TNFRSF10B: variants seen among roughly 807,000 people sequenced by gnomAD.
TNFRSF10B encodes the protein TNF receptor superfamily member 10b.
Under a neutral mutation model 41.4 loss-of-function variants are expected in TNFRSF10B, and 35 were observed. That is an observed-to-expected ratio of 0.85 (90% CI 0.65 to 1.12). The LOEUF (loss-of-function observed/expected upper bound fraction) is 1.12. Ranked by LOEUF, TNFRSF10B falls within the 50% of genes most tolerant of loss-of-function variation. TNFRSF10B has a pLI of 0.00. For synonymous variants in TNFRSF10B, 230 were observed against 215.5 expected, an observed-to-expected ratio of 1.07 and a Z score of -0.59; for missense variants, 584 against 552.7, an observed-to-expected ratio of 1.06 and a Z score of -0.57.
Position 23,020,182 on chromosome 8 carries a change from T to G in TNFRSF10B, c.*2489A>C. 2.3e-6 allele frequency: 1 copy of G among 429,580 alleles called. No individual in the cohort carries two copies. Among genetic ancestry groups the G allele is most frequent in the Non-Finnish European group, 4.7e-6 (1 of 212,140 alleles). 26.6% of individuals were successfully genotyped at this position (429,580 alleles called of 1,614,324 possible). ...ATTTGGTCATGGATTCATAAATACA[T>G]AAGTATTTTGTACACAATGTGCTTC... On this transcript the variant is annotated 3_prime_UTR_variant, in exon 9 of 9. Transcript: ENST00000276431.
At chr8:23,043,108 G>T (rs759881105) in intron 2 of TNFRSF10B, 30 bp downstream of exon 2, 2 of 1,593,330 alleles carry the variant, frequency 1.3e-6, no homozygotes, top group East Asian at 4.5e-5. Context: ...GGGAGGAGGG[G>T]CAAGGATTAG....
At chr8:23,031,983 T>C (rs1026187766) in intron 2 of TNFRSF10B, among the ~76,000 whole-genome samples, 5 of 150,714 alleles carry the variant, frequency 3.3e-5, no homozygotes, top group African/African-American at 1.2e-4. Flanking sequence ...CTCGGCTCAC[T>C]GCAACCTCTG....
rs767396167 is a variant in TNFRSF10B at position 23,021,746 on chromosome 8, G to C, written c.*925C>G. ...ACTTGTAAGGTTGTCCAGTTCAAAA[G>C]ACTGGCCCCTGTAGAAGTTGCCAAT... On this transcript the variant is annotated 3_prime_UTR_variant, in exon 9 of 9. Coordinates refer to ENST00000276431, the MANE Select transcript of TNFRSF10B (RefSeq NM_003842.5). 8.8e-6 allele frequency: 4 copies of C among 454,092 alleles called. No homozygotes were observed. Among genetic ancestry groups the C allele is most frequent in the South Asian group, 6.2e-5 (4 of 64,474 alleles). 28.1% of individuals were successfully genotyped at this position (454,092 alleles called of 1,614,324 possible).
chr8:23,052,148 C>T (rs1775135067), intron 1 of TNFRSF10B, among the ~76,000 whole-genome samples: 1 of 151,866 alleles, frequency 6.6e-6, no homozygotes, highest in Non-Finnish European at 1.5e-5. Context: ...GGGATACATA[C>T]TCATAAGTAA....
intron 1 of TNFRSF10B, among the ~76,000 whole-genome samples, chr8:23,054,414 C>T (rs1812606126): frequency 6.6e-6 from 1 of 152,168 alleles, no homozygotes; most frequent in African/African-American, 2.4e-5. Flanking sequence ...AAATTTGGAG[C>T]ATATTTGTTT....
Position 23,020,219 on chromosome 8 carries a change from T to C in TNFRSF10B, c.*2452A>G. On this transcript the variant is annotated 3_prime_UTR_variant, in exon 9 of 9. Coordinates refer to ENST00000276431, the MANE Select transcript of TNFRSF10B (RefSeq NM_003842.5). The stretch of plus-strand genomic sequence containing the variant: ...ACACAATGTGCTTCCTTGTTTGTAT[T>C]ATAACACATTTCAAATAGGGACCTT... 1 of 452,930 alleles carries C rather than the reference T, an allele frequency of 2.2e-6. No homozygotes were observed. The highest frequency in any genetic ancestry group is 1.6e-5 in the South Asian group (1 of 64,410). The allele number at this position is 452,930 out of a possible 1,614,324, so 28.1% of individuals were successfully genotyped here.
intron 1 of TNFRSF10B, among the ~76,000 whole-genome samples, chr8:23,057,845 A>T (rs1812716992): frequency 6.6e-6 from 1 of 152,164 alleles, no homozygotes; most frequent in South Asian, 2.1e-4. Flanking sequence ...CTTAAAATCC[A>T]CCTCATATGA....
intron 1 of TNFRSF10B, among the ~76,000 whole-genome samples, chr8:23,054,746 G>A (rs1156321310): frequency 6.6e-6 from 1 of 152,182 alleles, no homozygotes; most frequent in Admixed American, 6.6e-5. Context: ...CTCAAGAAGA[G>A]AGGAATTCAC....
intron 1 of TNFRSF10B, among the ~76,000 whole-genome samples, chr8:23,061,809 C>T (rs4424253): frequency 0.19 from 29,299 of 152,130 alleles, 3,370 homozygotes; most frequent in East Asian, 0.48. Flanking sequence ...CTTTTTCCCC[C>T]TTCATTCTAT....
At chr8:23,048,552 AG>A (rs1439319807) in intron 1 of TNFRSF10B, among the ~76,000 whole-genome samples, 2 of 152,188 alleles carry the variant, frequency 1.3e-5, no homozygotes, top group African/African-American at 4.8e-5. Context: ...ACCATTGGTT[AG>A]ACAGGAGGAA....
Position 23,022,879 on chromosome 8 carries a change from T to G in TNFRSF10B, c.1115A>C (p.Lys372Thr). Residue 372 changes from lysine (K) to threonine (T), a missense_variant, in exon 9 of 9, where the codon AAA becomes ACA. Coordinates refer to ENST00000276431, the MANE Select transcript of TNFRSF10B (RefSeq NM_003842.5). ...GTCCCTGTGGCCCGCTGCCTCAGCTTTAGCCACCTTTATCTCATTGTCCAT... is the reference window on the plus strand; with the variant it reads ...GTCCCTGTGGCCCGCTGCCTCAGCTGTAGCCACCTTTATCTCATTGTCCAT... Reference protein sequence around the residue: ...GLMDNEIKVAKAEAAGHRDTL... With the variant: ...GLMDNEIKVATAEAAGHRDTL... 1 of 1,614,034 alleles carries G rather than the reference T, an allele frequency of 6.2e-7. No individual in the cohort carries two copies. The highest frequency in any genetic ancestry group is 1.6e-4 in the Middle Eastern group (1 of 6,062).
intron 1 of TNFRSF10B, among the ~76,000 whole-genome samples, chr8:23,063,346 CAAA>C (rs11321750): frequency 2.3e-5 from 3 of 128,844 alleles, no homozygotes; most frequent in African/African-American, 5.6e-5. Flanking sequence ...GAAACTGTCT[CAAA>C]AAAAAAAAAA....
At chr8:23,048,417 CAA>C (rs1812424518) in intron 1 of TNFRSF10B, among the ~76,000 whole-genome samples, 1 of 70,462 alleles carries the variant, frequency 1.4e-5, no homozygotes, top group Admixed American at 1.7e-4. Flanking sequence ...GCCTGGGCAA[CAA>C]AAGTGAAATT....
At chr8:23,056,489 A>G (rs1033272583) in intron 1 of TNFRSF10B, among the ~76,000 whole-genome samples, 6 of 152,060 alleles carry the variant, frequency 3.9e-5, no homozygotes, top group African/African-American at 9.7e-5. Flanking sequence ...TGTCTCTACT[A>G]AAAATACAAA....
chr8:23,043,319 G>A, intron 1 of TNFRSF10B, 76 bp from the exon 2 acceptor site: 1 of 1,182,798 alleles, frequency 8.5e-7, no homozygotes, highest in Non-Finnish European at 1.2e-6. Flanking sequence ...ACATTCTCTT[G>A]AGCCCAGGCA....
At chr8:23,059,195 G>A (rs1296350380) in intron 1 of TNFRSF10B, among the ~76,000 whole-genome samples, 1 of 152,158 alleles carries the variant, frequency 6.6e-6, no homozygotes, top group Non-Finnish European at 1.5e-5. Flanking sequence ...TTTCAAGGCT[G>A]AGTAATACTC....
chr8:23,031,226 C>T (rs781331789), intron 2 of TNFRSF10B, among the ~76,000 whole-genome samples: 2 of 152,018 alleles, frequency 1.3e-5, no homozygotes, highest in Non-Finnish European at 2.9e-5. Context: ...CAGGCACACA[C>T]TACCACACCT....
At chr8:23,065,087 C>A (rs189621573) in intron 1 of TNFRSF10B, among the ~76,000 whole-genome samples, 2 of 152,268 alleles carry the variant, frequency 1.3e-5, no homozygotes, top group East Asian at 3.9e-4. Flanking sequence ...TATTTAGGTC[C>A]CTGCTGTCAC....
intron 2 of TNFRSF10B, among the ~76,000 whole-genome samples, chr8:23,037,955 G>C (rs902206069): frequency 6.6e-6 from 1 of 152,178 alleles, no homozygotes; most frequent in African/African-American, 2.4e-5. Flanking sequence ...GAGTTTCAGA[G>C]GGAGGAATGA....
Sources: allele counts gnomAD v4.1 joint callset (sites outside exome capture counted in the v4.1 genomes callset), GRCh38; gene constraint gnomAD v4.1.1; transcripts MANE v1.5; gene names NCBI Gene and HGNC (gene_info 2026-07-23, HGNC 2026-07-21).